NLRP9: variants seen among roughly 807,000 people sequenced by gnomAD.
NLRP9 encodes NLR family pyrin domain containing 9, also known as NACHT, LRR and PYD domains-containing protein 9.
A neutral mutation model predicts 83.1 loss-of-function variants in NLRP9; 88 were observed. That is an observed-to-expected ratio of 1.06 (90% confidence interval 0.89 to 1.26). The LOEUF is 1.26. NLRP9 is among the 50% of genes most tolerant of loss of function. NLRP9 has a pLI of 0.00. For missense variants in NLRP9, 1,308 were observed against 1,179.3 expected (o/e 1.11, Z -1.60); for synonymous variants, 521 against 447.6 (o/e 1.16, Z -2.07).
intron 3 of NLRP9, among the ~76,000 whole-genome samples, chr19:55,728,106 C>G (rs1287177514): frequency 6.6e-6 from 1 of 152,106 alleles, no homozygotes; most frequent in African/African-American, 2.4e-5. Flanking sequence ...ATTCAATGTC[C>G]GTGGTTTTTA....
chr19:55,714,564 GT>G lies in NLRP9; in HGVS notation c.2501+490del, dbSNP rs1386684352. ...CTGAAGGTTCCCAGAACCAGGTGGG[GT>G]AAATGTATAGCCTCATCTGGATTTT... On this transcript the variant is annotated intron_variant, in intron 6 of 8. Coordinates refer to ENST00000332836, the MANE Select transcript of NLRP9 (RefSeq NM_176820.4). 5.3e-5 allele frequency among the ~76,000 whole-genome samples: 8 copies of G among 151,984 alleles called. No individual in the cohort carries two copies. In the South Asian group the frequency reaches 1.7e-3, roughly 32 times the overall value.
rs1454835014 is a variant in NLRP9, at chr19:55,711,554, C to T, written c.2843+246G>A. On this transcript the variant is annotated intron_variant, in intron 8 of 8. Transcript: ENST00000332836. ...GAGGGACTTCTGACAATTTCTGGAGCTCTTTTTGATTGTCACAACTGAGGG... is the reference window on the plus strand; with the variant it reads ...GAGGGACTTCTGACAATTTCTGGAGTTCTTTTTGATTGTCACAACTGAGGG... 4 of 1,133,472 alleles carry T rather than the reference C, an allele frequency of 3.5e-6. No homozygotes were observed. In the Admixed American group the frequency reaches 8.4e-5, roughly 24 times the overall value. The allele number at this position is 1,133,472 out of a possible 1,614,324, so 70.2% of individuals were successfully genotyped here.
At chr19:55,712,010 TG>T (rs1987751540) in intron 7 of NLRP9, 40 bp from the exon 8 acceptor site, 1 of 1,595,408 alleles carries the variant, frequency 6.3e-7, no homozygotes, top group Admixed American at 1.7e-5. Flanking sequence ...ACTCTAGCTT[TG>T]GGTAGGCTGG....
chr19:55,730,578 T>C (rs377615171), intron 2 of NLRP9, among the ~76,000 whole-genome samples: 1 of 152,068 alleles, frequency 6.6e-6, no homozygotes, highest in African/African-American at 2.4e-5. Flanking sequence ...TATGCAGCCA[T>C]GAAAAGGAAC....
At chr19:55,714,399 T>C (rs1278340469) in intron 6 of NLRP9, among the ~76,000 whole-genome samples, 1 of 152,058 alleles carries the variant, frequency 6.6e-6, no homozygotes, top group Non-Finnish European at 1.5e-5. Flanking sequence ...AGGCTCTAGC[T>C]ATCCTCTCAT....
chr19:55,715,308 G>GA (rs1987967690), intron 5 of NLRP9, 83 bp from the exon 6 acceptor site: 2 of 1,202,968 alleles, frequency 1.7e-6, no homozygotes, highest in East Asian at 5.0e-5. Context: ...CCAGCCCACT[G>GA]AAGCTTCCTA....
chr19:55,734,118 T>C (rs1225470322), intron 1 of NLRP9, among the ~76,000 whole-genome samples: 1 of 151,148 alleles, frequency 6.6e-6, no homozygotes, highest in Non-Finnish European at 1.5e-5. Context: ...AGAGACGGAG[T>C]TTCACCGTGT....
At position 55,732,808 on chromosome 19, in the gene NLRP9, C is replaced by G. The variant is rs201446326; in HGVS notation, c.1023G>C (p.Trp341Cys). ...FILCHNPFTC[W>C]LVCTCVKQRL... Reference sequence around the variant, plus strand: ...TCTGTTTCACACAAGTACAGACCAACCAGCACGTAAAGGGATTATGGCACA... The same window carrying G: ...TCTGTTTCACACAAGTACAGACCAAGCAGCACGTAAAGGGATTATGGCACA... The change falls in exon 2 of 9, where the codon TGG becomes TGC. Residue 341 changes from tryptophan (W) to cysteine (C), a missense_variant. By Grantham distance (215) the Trp-to-Cys change is radical. Transcript: ENST00000332836. The G allele has an allele frequency of 6.2e-7, 1 of 1,614,166 alleles. No individual in the cohort carries two copies. The highest frequency in any genetic ancestry group is 1.3e-5 in the African/African-American group (1 of 75,044).
chr19:55,714,948 G>T, intron 6 of NLRP9, 107 bp downstream of exon 6: 2 of 1,068,236 alleles, frequency 1.9e-6, no homozygotes, highest in Non-Finnish European at 1.4e-6. Flanking sequence ...ATTTTGGGAG[G>T]ACATATACAT....
At chr19:55,716,623 G>C in intron 5 of NLRP9, 105 bp downstream of exon 5, 1 of 900,704 alleles carries the variant, frequency 1.1e-6, no homozygotes, top group Non-Finnish European at 1.8e-6. Context: ...TACGGATTCC[G>C]CATTCTGCTG....
At position 55,733,010 on chromosome 19, in the gene NLRP9, G is replaced by T; in HGVS notation, c.821C>A (p.Ala274Glu). 2 of 1,614,128 alleles carry T rather than the reference G, an allele frequency of 1.2e-6. No homozygotes were observed. Among genetic ancestry groups the T allele is most frequent in the Non-Finnish European group, 1.7e-6 (2 of 1,179,990 alleles). ...KMLPESSLLIALGKLAMQKHY... is the reference protein window; with the variant it reads ...KMLPESSLLIELGKLAMQKHY... ...TTTTTGCATAGCCAGTTTTCCTAAT[G>T]CAATAAGGAGAGAGGATTCTGGAAG... The change falls in exon 2 of 9, where the codon GCA (alanine) becomes GAA (glutamate). Residue 274 changes from alanine (A) to glutamate (E), a missense_variant. Coordinates refer to ENST00000332836, the MANE Select transcript of NLRP9 (RefSeq NM_176820.4).
rs773377332 is a variant in NLRP9 at position 55,712,589 on chromosome 19, A to T, written c.2503T>A (p.Leu835Met). The stretch of plus-strand genomic sequence containing the variant: ...TCGGAAGTAAGGAAACAGCCCATCA[A>T]CCTGGGGAGGTGGAAGACACACAAA... ...HPGCSIRELW[L>M]MGCFLTSDSC... Residue 835 changes from leucine to methionine, a missense_variant and splice_region_variant, in exon 7 of 9, where the codon TTG becomes ATG. Physicochemically the swap from Leu to Met is conservative, Grantham distance 15. Coordinates refer to ENST00000332836, the MANE Select transcript of NLRP9 (RefSeq NM_176820.4). 6.2e-7 allele frequency: 1 copy of T among 1,611,850 alleles called. No individual in the cohort carries two copies. Among genetic ancestry groups the T allele is most frequent in the Non-Finnish European group, 8.5e-7 (1 of 1,179,704 alleles).
At position 55,724,195 on chromosome 19, in the gene NLRP9, AAGAC is replaced by A. The variant is rs781753128; in HGVS notation, c.1995-55_1995-52del. Reference sequence around the variant, plus strand: ...CATCATGCAATGAGATCCCAGCACAAAGACAGACACCTCTTGTACGATTCTTCCT... The same window carrying A: ...CATCATGCAATGAGATCCCAGCACAAAGACACCTCTTGTACGATTCTTCCT... On this transcript the variant is annotated intron_variant, in intron 3 of 8. Transcript: ENST00000332836. 31 of 1,287,548 alleles carry A rather than the reference AAGAC, an allele frequency of 2.4e-5. No individual in the cohort carries two copies. The South Asian group carries it at 3.8e-4, about 16-fold the overall frequency. The allele number at this position is 1,287,548 out of a possible 1,614,324, so 79.8% of individuals were successfully genotyped here.
intron 6 of NLRP9, 61 bp from the exon 7 acceptor site, chr19:55,712,651 T>G (rs1029008514): frequency 6.4e-6 from 9 of 1,397,842 alleles, no homozygotes; most frequent in Non-Finnish European, 8.0e-6. Context: ...ACAGCCCACC[T>G]TATTTTCATT....
intron 7 of NLRP9, among the ~76,000 whole-genome samples, chr19:55,712,204 A>G (rs1987762190): frequency 6.6e-6 from 1 of 152,182 alleles, no homozygotes; most frequent in African/African-American, 2.4e-5. Context: ...TAAAGACCCT[A>G]TCATGCACAG....
At chr19:55,711,619 G>T in intron 8 of NLRP9, 181 bp downstream of exon 8, 1 of 872,696 alleles carries the variant, frequency 1.1e-6, no homozygotes, top group Non-Finnish European at 1.8e-6. Context: ...CGAGAATGTT[G>T]CTTGACATCT....
chr19:55,714,921 G>T, intron 6 of NLRP9, 134 bp downstream of exon 6: 1 of 772,718 alleles, frequency 1.3e-6, no homozygotes, highest in Non-Finnish European at 2.1e-6. Context: ...GCCTGGGGGT[G>T]AGGACCCAAC....
intron 3 of NLRP9, among the ~76,000 whole-genome samples, chr19:55,726,154 CG>C (rs1412146950): frequency 6.6e-6 from 1 of 152,116 alleles, no homozygotes; most frequent in East Asian, 1.9e-4. Flanking sequence ...ATGAAAGCAC[CG>C]GGATTGGTTA....
rs1370554833 is a variant in NLRP9 at position 55,738,343 on chromosome 19, A to G, written c.32T>C (p.Leu11Ser). 1 of 1,613,830 alleles carries G rather than the reference A, an allele frequency of 6.2e-7. No individual in the cohort carries two copies. The highest frequency in any genetic ancestry group is 8.5e-7 in the Non-Finnish European group (1 of 1,179,958). The change falls in exon 1 of 9, where the codon TTG (leucine) becomes TCG (serine). Residue 11 changes from leucine (L) to serine (S), a missense_variant. Leu to Ser is a moderately radical substitution (Grantham distance 145). Coordinates refer to ENST00000332836, the MANE Select transcript of NLRP9 (RefSeq NM_176820.4). MAESFFSDFG[L>S]LWYLKELRKE... ...TCTGAGCTCCTTCAGATACCACAAC[A>G]AGCCAAAATCCGAAAAAAAAGATTC...
Sources: gnomAD v4.1 joint callset for allele counts (sites outside exome capture counted in the v4.1 genomes callset) on GRCh38, gnomAD v4.1.1 for gene constraint, MANE v1.5 for transcripts, NCBI Gene and HGNC (gene_info 2026-07-23, HGNC 2026-07-21) for gene names.